Variants in EIF4G3 observed in about 807,000 individuals in gnomAD.
EIF4G3 encodes eIF-4-gamma 3.
EIF4G3 carries 34 observed loss-of-function variants against 186.4 expected under a neutral mutation model. That is an observed-to-expected ratio of 0.18 (90% CI 0.14 to 0.24). EIF4G3 has a LOEUF of 0.24. Among genes scored for constraint, EIF4G3 ranks in the 10% least tolerant of loss-of-function variants. The pLI, the probability that EIF4G3 is intolerant of heterozygous loss-of-function variation, is 1.00. For missense variants in EIF4G3, 1,536 were observed against 1,948.5 expected, an observed-to-expected ratio of 0.79 and a Z score of 3.99; for synonymous variants, 673 against 679.5, an observed-to-expected ratio of 0.99 and a Z score of 0.15.
intron 3 of EIF4G3, 121 bp from the exon 4 acceptor site, chr1:21,051,115 C>T (rs555350844): frequency 1.3e-4 from 81 of 604,296 alleles, no homozygotes; most frequent in Middle Eastern, 1.2e-3. Flanking sequence ...AAAATAAGCA[C>T]GAGACTGAAC....
intron 2 of EIF4G3, among the ~76,000 whole-genome samples, chr1:21,164,023 C>A (rs2097810847): frequency 6.6e-6 from 1 of 152,160 alleles, no homozygotes; most frequent in Non-Finnish European, 1.5e-5. Context: ...ATCTGCCCGC[C>A]TCAGCCTCCC....
At position 20,857,162 on chromosome 1, in the gene EIF4G3, C is replaced by CAAAAAAAAAAAAAA. The variant is rs577290987; in HGVS notation, c.3339+227_3339+240dup. On this transcript the variant is annotated intron_variant, in intron 25 of 36. Transcript: ENST00000602326. ...TGGGCGACAGAGTGAGACTCCATCT[C>CAAAAAAAAAAAAAA]AAAAAAAAAAAAAAAAAGAAAATGT... Among the ~76,000 whole-genome samples the CAAAAAAAAAAAAAA allele has an allele frequency of 2.6e-3, 121 of 47,338 alleles. 11 individuals are homozygous for CAAAAAAAAAAAAAA. Among genetic ancestry groups the CAAAAAAAAAAAAAA allele is most frequent in the Middle Eastern group, 0.028 (1 of 36 alleles). The allele number at this position is 47,338 out of a possible 152,430, so 31.1% of individuals were successfully genotyped here.
intron 3 of EIF4G3, among the ~76,000 whole-genome samples, chr1:21,067,843 TA>T (rs1325794142): frequency 6.6e-6 from 1 of 150,660 alleles, no homozygotes; most frequent in African/African-American, 2.4e-5. Context: ...AGTTAAAAAA[TA>T]AAAAAAGAGG....
chr1:20,862,323 C>T lies in EIF4G3; in HGVS notation c.3016G>A (p.Asp1006Asn). 6.3e-7 allele frequency: 1 copy of T among 1,593,854 alleles called. No homozygotes were observed. The highest frequency in any genetic ancestry group is 8.5e-7 in the Non-Finnish European group (1 of 1,171,542). The change falls in exon 23 of 37, where the codon GAC becomes AAC. Residue 1006 changes from aspartate to asparagine, a missense_variant. Around this residue, in one of 11 missense-constraint regions of EIF4G3, gnomAD observed 110 missense variants for 166.2 expected, o/e 0.66. Transcript: ENST00000602326. ...TTCTCCATCTGATTAAAGTACTGGTCCATACGTGGCTGCAAGAGACAAAAT... is the reference window on the plus strand; with the variant it reads ...TTCTCCATCTGATTAAAGTACTGGTTCATACGTGGCTGCAAGAGACAAAAT... ...LDFEKAKPRM[D>N]QYFNQMEKIV...
intron 4 of EIF4G3, among the ~76,000 whole-genome samples, chr1:21,004,633 G>GA (rs2084532887): frequency 6.6e-6 from 1 of 152,104 alleles, no homozygotes; most frequent in Non-Finnish European, 1.5e-5. Context: ...ACCAAGGACT[G>GA]AAAAATTTAA....
intron 2 of EIF4G3, among the ~76,000 whole-genome samples, chr1:21,118,784 TC>T (rs2096873945): frequency 8.5e-6 from 1 of 117,852 alleles, no homozygotes; most frequent in Non-Finnish European, 1.7e-5. Flanking sequence ...AGACTACATC[TC>T]AAAAAAAAAA....
chr1:21,136,529 AAAAC>A lies in EIF4G3; in HGVS notation c.-272+39642_-272+39645del, dbSNP rs966410785. ...GAGACTCCGTATCAAAAAAAAAACA[AAAAC>A]AAACAAACAAAAAACCATACTCCCT... On this transcript the variant is annotated intron_variant, in intron 2 of 36. Coordinates refer to ENST00000602326, the MANE Select transcript of EIF4G3 (RefSeq NM_001391906.1). Among the ~76,000 whole-genome samples, 68 of 152,264 alleles carry A rather than the reference AAAAC, an allele frequency of 4.5e-4. 1 individual carries two copies. The highest frequency in any genetic ancestry group is 1.4e-3 in the African/African-American group (60 of 41,572).
intron 19 of EIF4G3, among the ~76,000 whole-genome samples, chr1:20,880,595 A>G (rs1359117650): frequency 6.6e-6 from 1 of 152,156 alleles, no homozygotes; most frequent in Non-Finnish European, 1.5e-5. Context: ...TACTAAAAAT[A>G]GAAAAATTAG....
At chr1:20,968,967 C>T (rs545717178) in intron 12 of EIF4G3, among the ~76,000 whole-genome samples, 2 of 152,294 alleles carry the variant, frequency 1.3e-5, no homozygotes, top group East Asian at 3.9e-4. Flanking sequence ...ACACTCTGCA[C>T]TCAAGAAGCT....
chr1:20,906,078 G>C (rs1202503374), intron 14 of EIF4G3, among the ~76,000 whole-genome samples: 1 of 152,056 alleles, frequency 6.6e-6, no homozygotes, highest in African/African-American at 2.4e-5. Flanking sequence ...AAAATACTCT[G>C]CATGTCTTCT....
intron 4 of EIF4G3, among the ~76,000 whole-genome samples, chr1:21,037,680 C>A (rs372711686): frequency 6.6e-6 from 1 of 152,176 alleles, no homozygotes. Context: ...TTCTCAATCA[C>A]CAGAGCTACT....
chr1:20,827,585 C>A, intron 32 of EIF4G3, 32 bp downstream of exon 32: 2 of 1,375,786 alleles, frequency 1.5e-6, no homozygotes, highest in Non-Finnish European at 2.1e-6. Context: ...CCTAATAATA[C>A]TGTTGAGTCT....
At chr1:20,840,834 C>T (rs779151516) in intron 30 of EIF4G3, 22 bp downstream of exon 30, 13 of 1,607,522 alleles carry the variant, frequency 8.1e-6, no homozygotes, top group Middle Eastern at 1.7e-4. Context: ...AACTGAATAC[C>T]ACTCTTGAAG....
intron 6 of EIF4G3, chr1:20,999,815 A>G: frequency 2.5e-6 from 1 of 394,530 alleles, no homozygotes; most frequent in Non-Finnish European, 4.9e-6. Context: ...GCTGGCTCAT[A>G]TTAAAACTAG....
chr1:21,138,962 G>A (rs2097294154), intron 2 of EIF4G3, among the ~76,000 whole-genome samples: 2 of 152,062 alleles, frequency 1.3e-5, no homozygotes, highest in Non-Finnish European at 2.9e-5. Flanking sequence ...ACAGCTCACT[G>A]CAGCCTTGAC....
At chr1:21,130,682 T>C (rs1043708380) in intron 2 of EIF4G3, among the ~76,000 whole-genome samples, 13 of 152,078 alleles carry the variant, frequency 8.5e-5, no homozygotes, top group African/African-American at 3.1e-4. Context: ...AAAAACCACC[T>C]TTAGTGAAGA....
chr1:20,811,485 C>A (rs952686835), intron 35 of EIF4G3, among the ~76,000 whole-genome samples: 1 of 152,122 alleles, frequency 6.6e-6, no homozygotes, highest in African/African-American at 2.4e-5. Context: ...AGGTCTAAGG[C>A]AAATATTTTG....
intron 3 of EIF4G3, among the ~76,000 whole-genome samples, chr1:21,079,888 A>C (rs903054343): frequency 2.0e-5 from 3 of 151,172 alleles, no homozygotes; most frequent in Non-Finnish European, 4.4e-5. Flanking sequence ...GCGGTGGCTC[A>C]CTCCTGTAAT....
At chr1:21,164,744 G>A (rs2097826987) in intron 2 of EIF4G3, among the ~76,000 whole-genome samples, 1 of 151,986 alleles carries the variant, frequency 6.6e-6, no homozygotes, top group African/African-American at 2.4e-5. Flanking sequence ...CATGCAGTTA[G>A]TCCCAGTTAC....
Sources: gnomAD v4.1 joint callset for allele counts (sites outside exome capture counted in the v4.1 genomes callset) on GRCh38, gnomAD v4.1.1 for gene constraint, gnomAD v4.1.1 regional missense constraint, MANE v1.5 for transcripts, NCBI Gene and HGNC (gene_info 2026-07-23, HGNC 2026-07-21) for gene names.